The following TTC9 variants were observed in gnomAD, a reference collection of about 807,000 sequenced individuals.
TTC9 encodes tetratricopeptide repeat domain 9, also known as tetratricopeptide repeat protein 9A.
In TTC9, 13 loss-of-function variants were observed where a neutral mutation model predicts 22.9. That is an observed-to-expected ratio of 0.57 (90% CI 0.37 to 0.90). TTC9 has a LOEUF of 0.90. TTC9 is among the 40% of genes least tolerant of loss of function. The pLI, the probability that TTC9 is intolerant of heterozygous loss-of-function variation, is 0.01. For missense variants in TTC9, 280 were observed against 291.8 expected, an observed-to-expected ratio of 0.96 and a Z score of 0.29; for synonymous variants, 148 against 133.2, an observed-to-expected ratio of 1.11 and a Z score of -0.77.
At chr14:70,643,210 C>T (rs562482000) in intron 1 of TTC9, among the ~76,000 whole-genome samples, 13 of 152,316 alleles carry the variant, frequency 8.5e-5, no homozygotes, top group Middle Eastern at 3.4e-3. Context: ...CCCTCTCCTC[C>T]CTGCCCGTTT....
At chr14:70,647,809 G>C (rs1885925329) in intron 1 of TTC9, among the ~76,000 whole-genome samples, 1 of 152,316 alleles carries the variant, frequency 6.6e-6, no homozygotes, top group South Asian at 2.1e-4. Flanking sequence ...CAATAGCAGA[G>C]TATTAAATGA....
intron 1 of TTC9, among the ~76,000 whole-genome samples, chr14:70,659,119 A>AACACACACGCGCGC (rs1555362235): frequency 7.4e-6 from 1 of 134,616 alleles, no homozygotes; most frequent in East Asian, 2.8e-4. Flanking sequence ...TATATAACTA[A>AACACACACGCGCGC]ACACACACAC....
Position 70,642,268 on chromosome 14 carries a change from G to GCGACCGAGC in TTC9, c.141_142insACCGAGCCG (p.Ala47_Ala48insThrGluPro), listed in dbSNP as rs1555361491. The GCGACCGAGC allele has an allele frequency of 3.3e-6, 5 of 1,499,442 alleles. No individual in the cohort carries two copies. The African/African-American group carries it at 7.3e-5, about 22-fold the overall frequency. 92.9% of individuals were successfully genotyped at this position (1,499,442 alleles called of 1,614,324 possible). On this transcript the variant is annotated inframe_insertion, in exon 1 of 3. Coordinates refer to ENST00000256367, the MANE Select transcript of TTC9 (RefSeq NM_015351.2). ...CCCAGCGAGGGGCCAGGTCGGGGCG[G>GCGACCGAGC]CGGCCGAGCCGGCCGAGCTCATCCG... is the stretch of plus-strand genomic sequence containing the variant.
intron 1 of TTC9, among the ~76,000 whole-genome samples, chr14:70,666,356 C>G (rs1021974296): frequency 6.6e-6 from 1 of 152,138 alleles, no homozygotes; most frequent in Non-Finnish European, 1.5e-5. Context: ...CCTGGGACAC[C>G]TAGGTCTCTC....
At position 70,658,205 on chromosome 14, in the gene TTC9, G is replaced by C. The variant is rs191085438; in HGVS notation, c.407-9359G>C. The stretch of plus-strand genomic sequence containing the variant: ...GGTCACTTAACTTCCCCAAGCCTCA[G>C]CTCCTGGAAGCAGAGCTAATAATAG... On this transcript the variant is annotated intron_variant, in intron 1 of 2. Transcript: ENST00000256367. Among the ~76,000 whole-genome samples, 15 of 152,290 alleles carry C rather than the reference G, an allele frequency of 9.8e-5. No homozygotes were observed. In the East Asian group the frequency reaches 2.5e-3, roughly 25 times the overall value.
Position 70,641,982 on chromosome 14 carries a change from G to A in TTC9, c.-148G>A, listed in dbSNP as rs1470298970. The A allele has an allele frequency of 5.2e-6, 2 of 386,918 alleles. No homozygotes were observed. The highest frequency in any genetic ancestry group is 3.6e-6 in the Non-Finnish European group (1 of 280,172). 24.0% of individuals were successfully genotyped at this position (386,918 alleles called of 1,614,324 possible). On this transcript the variant is annotated 5_prime_UTR_variant, in exon 1 of 3. Coordinates refer to ENST00000256367, the MANE Select transcript of TTC9 (RefSeq NM_015351.2). ...GCAGCGGGGAGAATGGGAGTGCGGG[G>A]CGCCAGACCGCCGCGGGGTGTCACG...
At position 70,674,467 on chromosome 14, in the gene TTC9, A is replaced by G. The variant is rs1886340258; in HGVS notation, c.*3312A>G. On this transcript the variant is annotated 3_prime_UTR_variant, in exon 3 of 3. Coordinates refer to ENST00000256367, the MANE Select transcript of TTC9 (RefSeq NM_015351.2). The stretch of plus-strand genomic sequence containing the variant: ...TAAACAAAAACTGGATACACTGAAT[A>G]TACTCTTTAATAACTTTTCAAGTGT... 2 of 152,236 alleles carry G rather than the reference A, an allele frequency of 1.3e-5. No individual in the cohort carries two copies. The highest frequency in any genetic ancestry group is 1.3e-4 in the Admixed American group (2 of 15,282). 9.4% of individuals were successfully genotyped at this position (152,236 alleles called of 1,614,324 possible).
chr14:70,655,552 C>A (rs1009990505), intron 1 of TTC9, among the ~76,000 whole-genome samples: 4 of 152,124 alleles, frequency 2.6e-5, no homozygotes, highest in African/African-American at 9.7e-5. Flanking sequence ...ATCAGCCAAC[C>A]CCCTTCAGGT....
chr14:70,656,511 T>C (rs1959480), intron 1 of TTC9, among the ~76,000 whole-genome samples: 18 of 152,198 alleles, frequency 1.2e-4, no homozygotes, highest in African/African-American at 3.9e-4. Context: ...TTAATTATCC[T>C]ATCCCCAAAC....
intron 1 of TTC9, among the ~76,000 whole-genome samples, chr14:70,666,847 A>ATGATGG (rs1275383530): frequency 3.3e-5 from 5 of 152,218 alleles, no homozygotes; most frequent in Non-Finnish European, 5.9e-5. Context: ...AATATTGGCC[A>ATGATGG]TGATGGTGAT....
rs76088802 is a variant in TTC9, at chr14:70,658,843, G to A, written c.407-8721G>A. Reference sequence around the variant, plus strand: ...CAGATGAATGGGTAAACAAACTGTAGTACATCCATACCATGCAATACTACA... The same window carrying A: ...CAGATGAATGGGTAAACAAACTGTAATACATCCATACCATGCAATACTACA... On this transcript the variant is annotated intron_variant, in intron 1 of 2. Transcript: ENST00000256367. 3.4e-4 allele frequency among the ~76,000 whole-genome samples: 52 copies of A among 152,250 alleles called. 1 individual carries two copies. In the East Asian group the frequency reaches 9.4e-3, roughly 28 times the overall value.
At chr14:70,651,954 G>GT (rs1056787642) in intron 1 of TTC9, among the ~76,000 whole-genome samples, 1 of 149,796 alleles carries the variant, frequency 6.7e-6, no homozygotes, top group African/African-American at 2.5e-5. Context: ...ATCCTTTCTG[G>GT]TTTAAAAAAA....
At chr14:70,653,113 T>G (rs1215194328) in intron 1 of TTC9, among the ~76,000 whole-genome samples, 1 of 152,222 alleles carries the variant, frequency 6.6e-6, no homozygotes, top group African/African-American at 2.4e-5. Context: ...CCACATAGGA[T>G]TGTTATGGTG....
In TTC9 at chr14:70,657,354, A is replaced by ACTACC. The variant is rs1886081357; in HGVS notation, c.407-10210_407-10209insCTACC. 1.6e-4 allele frequency among the ~76,000 whole-genome samples: 25 copies of ACTACC among 152,332 alleles called. No homozygotes were observed. In the South Asian group the frequency reaches 4.6e-3, roughly 28 times the overall value. On this transcript the variant is annotated intron_variant, in intron 1 of 2. Transcript: ENST00000256367. The stretch of plus-strand genomic sequence containing the variant: ...AGCAGCAGCTCTGGTAGTGATCCCA[A>ACTACC]AGGTGGGGCATCCATGTGAAGAATC...
chr14:70,653,479 A>G (rs976618512), intron 1 of TTC9, among the ~76,000 whole-genome samples: 2 of 152,112 alleles, frequency 1.3e-5, no homozygotes, highest in African/African-American at 4.8e-5. Flanking sequence ...TGAACATATA[A>G]CTCATCAGTT....
chr14:70,643,521 A>G (rs1005448739), intron 1 of TTC9, among the ~76,000 whole-genome samples: 9 of 152,182 alleles, frequency 5.9e-5, no homozygotes, highest in Non-Finnish European at 1.0e-4. Context: ...GGCATGGTCA[A>G]CCTTCTCCGA....
rs543990946 is a variant in TTC9, at chr14:70,642,550, G to T, written c.406+15G>T. The T allele has an allele frequency of 4.9e-5, 75 of 1,526,258 alleles. No individual in the cohort carries two copies. In the East Asian group the frequency reaches 7.4e-4, roughly 15 times the overall value. 94.5% of individuals were successfully genotyped at this position (1,526,258 alleles called of 1,614,324 possible). The stretch of plus-strand genomic sequence containing the variant: ...CAGCCTGGCAGGTGAGCCGCGCCGC[G>T]CCCCCCGCGCCGCGGTCCCCGTTCT... On this transcript the variant is annotated intron_variant, in intron 1 of 2. Coordinates refer to ENST00000256367, the MANE Select transcript of TTC9 (RefSeq NM_015351.2).
chr14:70,645,279 A>G (rs990619179), intron 1 of TTC9, among the ~76,000 whole-genome samples: 3 of 152,224 alleles, frequency 2.0e-5, no homozygotes, highest in Non-Finnish European at 4.4e-5. Context: ...TGCCTCTAAT[A>G]TGTATTTTCT....
chr14:70,661,483 T>C (rs1033354785), intron 1 of TTC9, among the ~76,000 whole-genome samples: 5 of 152,216 alleles, frequency 3.3e-5, no homozygotes, highest in African/African-American at 1.2e-4. Context: ...CATGTTTCCC[T>C]TCTGTTCAGC....
Sources: gnomAD v4.1 joint callset for allele counts (sites outside exome capture counted in the v4.1 genomes callset) on GRCh38, gnomAD v4.1.1 for gene constraint, MANE v1.5 for transcripts, NCBI Gene and HGNC (gene_info 2026-07-23, HGNC 2026-07-21) for gene names.